Variants in MAP2K6 observed in about 807,000 individuals in gnomAD.
MAP2K6 encodes the protein dual specificity mitogen-activated protein kinase kinase 6.
Under a neutral mutation model 53.7 loss-of-function variants are expected in MAP2K6, and 16 were observed. The observed-to-expected ratio is 0.30, with a 90% confidence interval of 0.20 to 0.45. The LOEUF is 0.45. Among genes scored for constraint, MAP2K6 ranks in the 20% least tolerant of loss-of-function variants. MAP2K6 has a pLI of 1.00. For missense variants in MAP2K6, 204 were observed against 411.9 expected, an observed-to-expected ratio of 0.50 and a Z score of 4.37; for synonymous variants, 132 against 143.1, an observed-to-expected ratio of 0.92 and a Z score of 0.55.
At chr17:69,466,457 C>T (rs567359120) in intron 1 of MAP2K6, among the ~76,000 whole-genome samples, 2 of 152,236 alleles carry the variant, frequency 1.3e-5, no homozygotes, top group Admixed American at 1.3e-4. Flanking sequence ...TTACTATGAT[C>T]TCCGTTTTCC....
At chr17:69,445,780 T>C (rs926596288) in intron 1 of MAP2K6, among the ~76,000 whole-genome samples, 3 of 152,182 alleles carry the variant, frequency 2.0e-5, no homozygotes, top group Non-Finnish European at 4.4e-5. Flanking sequence ...GTGTAATAAT[T>C]GGGTTGACAG....
intron 1 of MAP2K6, among the ~76,000 whole-genome samples, chr17:69,482,695 TA>T (rs34180677): frequency 0.5 from 75,890 of 151,788 alleles, 19,862 homozygotes; most frequent in African/African-American, 0.65. Context: ...CTCCTGTTAT[TA>T]AGACAGTTGT....
chr17:69,462,196 T>C (rs987197963), intron 1 of MAP2K6, among the ~76,000 whole-genome samples: 1 of 152,152 alleles, frequency 6.6e-6, no homozygotes, highest in Non-Finnish European at 1.5e-5. Flanking sequence ...ACACTGGCCA[T>C]AGAGGACACG....
chr17:69,440,292 C>A (rs928232851), intron 1 of MAP2K6, among the ~76,000 whole-genome samples: 1 of 152,110 alleles, frequency 6.6e-6, no homozygotes, highest in African/African-American at 2.4e-5. Flanking sequence ...AGGTGATCTG[C>A]CTGCCTTGGC....
chr17:69,420,329 A>G (rs1051139272), intron 1 of MAP2K6, among the ~76,000 whole-genome samples: 1 of 152,186 alleles, frequency 6.6e-6, no homozygotes, highest in Non-Finnish European at 1.5e-5. Context: ...AATTTAATCT[A>G]ATTTTTTTTA....
chr17:69,514,144 G>C (rs1216101639), intron 2 of MAP2K6, among the ~76,000 whole-genome samples: 1 of 151,708 alleles, frequency 6.6e-6, no homozygotes, highest in African/African-American at 2.4e-5. Flanking sequence ...TTGAATAATT[G>C]CAAAGGATTT....
chr17:69,480,022 C>G (rs1289799604), intron 1 of MAP2K6, among the ~76,000 whole-genome samples: 3 of 152,138 alleles, frequency 2.0e-5, no homozygotes, highest in Non-Finnish European at 1.5e-5. Context: ...TTACTTAACT[C>G]TTGGCTCTTT....
intron 2 of MAP2K6, among the ~76,000 whole-genome samples, chr17:69,511,306 T>C (rs72855568): frequency 6.6e-6 from 1 of 152,260 alleles, no homozygotes; most frequent in South Asian, 2.1e-4. Context: ...AGGCTTAAAT[T>C]TGTACTCCTA....
chr17:69,484,329 A>C (rs894586678), intron 1 of MAP2K6, among the ~76,000 whole-genome samples: 1 of 152,106 alleles, frequency 6.6e-6, no homozygotes, highest in African/African-American at 2.4e-5. Context: ...ACGTAAAATT[A>C]TGTTCAGCAT....
intron 1 of MAP2K6, among the ~76,000 whole-genome samples, chr17:69,425,480 T>C (rs1444506523): frequency 6.6e-6 from 1 of 152,020 alleles, no homozygotes; most frequent in Non-Finnish European, 1.5e-5. Flanking sequence ...ACCCAGCTAC[T>C]TTTTGTATTT....
At chr17:69,433,819 G>A (rs927249174) in intron 1 of MAP2K6, 2 of 152,192 alleles carry the variant, frequency 1.3e-5, no homozygotes, top group Admixed American at 1.3e-4. Flanking sequence ...AATGACACGA[G>A]TATCTAGAAA....
At chr17:69,536,624 GT>G (rs1252825717) in intron 11 of MAP2K6, among the ~76,000 whole-genome samples, 1 of 152,050 alleles carries the variant, frequency 6.6e-6, no homozygotes, top group Non-Finnish European at 1.5e-5. Context: ...TTTGCTTTTT[GT>G]TTTCACTTTG....
chr17:69,517,531 C>T lies in MAP2K6; in HGVS notation c.164C>T (p.Pro55Leu). 6.2e-7 allele frequency: 1 copy of T among 1,610,338 alleles called. No individual in the cohort carries two copies. Among genetic ancestry groups the T allele is most frequent in the Non-Finnish European group, 8.5e-7 (1 of 1,177,858 alleles). Residue 55 changes from proline (P) to leucine (L), a missense_variant, in exon 4 of 12, where the codon CCT becomes CTT. Physicochemically the swap from Pro to Leu is moderately conservative, Grantham distance 98 (BLOSUM62 -3). Around this residue, in one of 3 missense-constraint regions of MAP2K6, gnomAD observed 129 missense variants for 247.1 expected, o/e 0.52. Coordinates refer to ENST00000590474, the MANE Select transcript of MAP2K6 (RefSeq NM_002758.4). Reference sequence around the variant, plus strand: ...GAGGTGAAGGCAGATGACCTGGAGCCTATAATGGAACTGGGACGAGGTGCG... The same window carrying T: ...GAGGTGAAGGCAGATGACCTGGAGCTTATAATGGAACTGGGACGAGGTGCG... The part of the protein sequence containing the change: ...NFEVKADDLE[P>L]IMELGRGAYG...
chr17:69,504,937 G>A (rs964498697), intron 1 of MAP2K6, among the ~76,000 whole-genome samples: 2 of 152,128 alleles, frequency 1.3e-5, no homozygotes, highest in Non-Finnish European at 2.9e-5. Flanking sequence ...ATTACAGCAG[G>A]TGGTTGGGAA....
At chr17:69,460,253 T>A (rs1311538438) in intron 1 of MAP2K6, among the ~76,000 whole-genome samples, 1 of 151,580 alleles carries the variant, frequency 6.6e-6, no homozygotes, top group African/African-American at 2.4e-5. Context: ...GAGGGGAGGG[T>A]GTCATGAAGG....
chr17:69,517,321 G>C (rs575910750), intron 3 of MAP2K6, among the ~76,000 whole-genome samples, 179 bp from the exon 4 acceptor site: 1 of 152,214 alleles, frequency 6.6e-6, no homozygotes, highest in African/African-American at 2.4e-5. Context: ...GGAGCTCCTA[G>C]ACATCTCTTG....
intron 1 of MAP2K6, among the ~76,000 whole-genome samples, chr17:69,421,691 G>A (rs933581482): frequency 2.4e-4 from 36 of 150,974 alleles, no homozygotes; most frequent in African/African-American, 7.3e-4. Context: ...GGTGCCTGCC[G>A]CCACCATGCC....
intron 1 of MAP2K6, among the ~76,000 whole-genome samples, chr17:69,490,709 A>C (rs994143725): frequency 1.3e-5 from 2 of 151,810 alleles, no homozygotes; most frequent in African/African-American, 2.4e-5. Flanking sequence ...AAAACCCCTG[A>C]ATTTTTTTTT....
chr17:69,416,669 A>C (rs1237911652), intron 1 of MAP2K6, among the ~76,000 whole-genome samples: 2 of 128,030 alleles, frequency 1.6e-5, no homozygotes. Context: ...AATATTTAAA[A>C]TGAAGTTTTT....
Sources: gnomAD v4.1 joint callset for allele counts (sites outside exome capture counted in the v4.1 genomes callset) on GRCh38, gnomAD v4.1.1 for gene constraint, gnomAD v4.1.1 regional missense constraint, MANE v1.5 for transcripts, NCBI Gene and HGNC (gene_info 2026-07-23, HGNC 2026-07-21) for gene names.